SMG6: variants seen among roughly 807,000 people sequenced by gnomAD.
SMG6 encodes the protein telomerase-binding protein EST1A.
In SMG6, 66 loss-of-function variants were observed where a neutral mutation model predicts 142.2. The ratio of observed to expected loss-of-function variants is 0.46; its 90% CI spans 0.38 to 0.57. The LOEUF (loss-of-function observed/expected upper bound fraction) is 0.57. SMG6 is among the 20% of genes least tolerant of loss of function. The pLI is 0.00. For synonymous variants in SMG6, 779 were observed against 702.4 expected, an observed-to-expected ratio of 1.11 and a Z score of -1.72; for missense variants, 1,793 against 1,832.0, an observed-to-expected ratio of 0.98 and a Z score of 0.39.
intron 10 of SMG6, chr17:2,235,873 A>T (rs944726605): frequency 2.0e-5 from 3 of 152,054 alleles, no homozygotes; most frequent in African/African-American, 7.3e-5. Flanking sequence ...CTACTTCCAC[A>T]CCCACCCGAC....
intron 12 of SMG6, among the ~76,000 whole-genome samples, chr17:2,178,409 T>C (rs1244553996): frequency 6.6e-6 from 1 of 152,168 alleles, no homozygotes; most frequent in Non-Finnish European, 1.5e-5. Context: ...TAGATGAAGG[T>C]AATCCCTTCT....
At chr17:2,180,008 T>C (rs1411445096) in intron 12 of SMG6, among the ~76,000 whole-genome samples, 1 of 152,128 alleles carries the variant, frequency 6.6e-6, no homozygotes, top group African/African-American at 2.4e-5. Flanking sequence ...TCAGGATAAG[T>C]GAAGATTTGG....
chr17:2,276,289 T>C (rs779269483), intron 8 of SMG6, among the ~76,000 whole-genome samples: 1 of 152,094 alleles, frequency 6.6e-6, no homozygotes, highest in Non-Finnish European at 1.5e-5. Context: ...ACACAAAGCA[T>C]ACACACGCAC....
intron 12 of SMG6, 133 bp downstream of exon 12, chr17:2,186,530 G>C (rs2071991357): frequency 9.6e-7 from 1 of 1,046,496 alleles, no homozygotes; most frequent in Non-Finnish European, 1.4e-6. Flanking sequence ...TTCAAAAAAA[G>C]TTCAAATAAA....
In SMG6 at chr17:2,239,798, G is replaced by C. The variant is rs77028977; in HGVS notation, c.2724-3161C>G. 6.2e-4 allele frequency among the ~76,000 whole-genome samples: 94 copies of C among 152,094 alleles called. 1 individual carries two copies. The East Asian group carries it at 0.017, about 27-fold the overall frequency. ...ATCTGTTAATTTAAAAAGCAAATCA[G>C]ACACAAACATTATATTTTTAAAAAT... On this transcript the variant is annotated intron_variant, in intron 9 of 18. Coordinates refer to ENST00000263073, the MANE Select transcript of SMG6 (RefSeq NM_017575.5).
In SMG6 at chr17:2,200,953, C is replaced by G. The variant is rs1217778639; in HGVS notation, c.2870-12438G>C. On this transcript the variant is annotated intron_variant, in intron 10 of 18. Coordinates refer to ENST00000263073, the MANE Select transcript of SMG6 (RefSeq NM_017575.5). ...CCATTATTTATTTTTTAATTGGCAG[C>G]ATCAACTGCAATACTCTGATAAATA... 2.0e-5 allele frequency among the ~76,000 whole-genome samples: 3 copies of G among 152,218 alleles called. No homozygotes were observed. In the East Asian group the frequency reaches 5.8e-4, roughly 29 times the overall value.
intron 13 of SMG6, among the ~76,000 whole-genome samples, chr17:2,156,393 C>CAAAAAAAAAAAA (rs34203812): frequency 5.4e-5 from 3 of 55,412 alleles, no homozygotes; most frequent in Non-Finnish European, 9.0e-5. Context: ...CACTCCTTCT[C>CAAAAAAAAAAAA]AAAAAAAAAA....
Position 2,298,059 on chromosome 17 carries a change from G to A in SMG6, c.1848-4C>T. 6.3e-7 allele frequency: 1 copy of A among 1,586,170 alleles called. No homozygotes were observed. Among genetic ancestry groups the A allele is most frequent in the South Asian group, 1.2e-5 (1 of 86,520 alleles). The stretch of plus-strand genomic sequence containing the variant: ...ATATAGCTGCAGCAGTTCAGCTCTG[G>A]AATAAAATACATGCAACTTCCAGCT... On this transcript the variant is annotated splice_polypyrimidine_tract_variant and splice_region_variant and intron_variant, in intron 2 of 18. Coordinates refer to ENST00000263073, the MANE Select transcript of SMG6 (RefSeq NM_017575.5).
chr17:2,294,144 G>C (rs963479517), intron 4 of SMG6, among the ~76,000 whole-genome samples: 1 of 152,160 alleles, frequency 6.6e-6, no homozygotes, highest in Admixed American at 6.5e-5. Flanking sequence ...AAGCGAAATA[G>C]CTACTGCACA....
intron 15 of SMG6, among the ~76,000 whole-genome samples, chr17:2,080,727 C>G (rs1048928067): frequency 1.3e-5 from 2 of 151,992 alleles, no homozygotes; most frequent in Non-Finnish European, 2.9e-5. Context: ...CCTCCGCCTC[C>G]CGGGTTCAAG....
At chr17:2,220,355 G>C (rs2073137893) in intron 10 of SMG6, among the ~76,000 whole-genome samples, 1 of 152,224 alleles carries the variant, frequency 6.6e-6, no homozygotes, top group Admixed American at 6.5e-5. Context: ...GTGAAGCCAA[G>C]CTCAGCGGCT....
At chr17:2,144,181 C>A (rs1290765483) in intron 13 of SMG6, among the ~76,000 whole-genome samples, 3 of 150,956 alleles carry the variant, frequency 2.0e-5, no homozygotes, top group Non-Finnish European at 4.4e-5. Flanking sequence ...GCCTCAGGCT[C>A]CAGAGTAGCT....
chr17:2,185,675 T>G (rs11658797), intron 12 of SMG6, among the ~76,000 whole-genome samples: 111,171 of 150,490 alleles, frequency 0.74, 41,376 homozygotes, highest in African/African-American at 0.8. Flanking sequence ...GAGGGCAGGC[T>G]CATGGTGAGA....
chr17:2,078,641 G>A (rs9914101), intron 15 of SMG6, among the ~76,000 whole-genome samples: 95,542 of 151,950 alleles, frequency 0.63, 30,362 homozygotes, highest in Middle Eastern at 0.7. Context: ...CAAAGTGCTG[G>A]GATTACAGGC....
chr17:2,102,028 G>A (rs527352167), intron 13 of SMG6, among the ~76,000 whole-genome samples: 1 of 152,300 alleles, frequency 6.6e-6, no homozygotes, highest in East Asian at 1.9e-4. Context: ...TGGGCATGGT[G>A]CACTCCTCCT....
chr17:2,240,158 CTGTG>C (rs1484970246), intron 9 of SMG6: 4 of 152,182 alleles, frequency 2.6e-5, no homozygotes, highest in Non-Finnish European at 5.9e-5. Flanking sequence ...CGTTTTCGGG[CTGTG>C]TGTGTCACTG....
At chr17:2,216,043 T>A (rs989424347) in intron 10 of SMG6, 1 of 152,288 alleles carries the variant, frequency 6.6e-6, no homozygotes, top group African/African-American at 2.4e-5. Context: ...CCCTCAGCCC[T>A]GAGTGCAGAT....
At chr17:2,234,944 A>G (rs910401792) in intron 10 of SMG6, among the ~76,000 whole-genome samples, 3 of 152,152 alleles carry the variant, frequency 2.0e-5, no homozygotes, top group Non-Finnish European at 4.4e-5. Flanking sequence ...GTGCTGGAAC[A>G]ATGTCTTGGC....
intron 13 of SMG6, among the ~76,000 whole-genome samples, chr17:2,109,206 T>C (rs2069239888): frequency 6.6e-6 from 1 of 152,200 alleles, no homozygotes; most frequent in Non-Finnish European, 1.5e-5. Flanking sequence ...ACCAAGTCTA[T>C]GTAGTATATT....
Sources: gnomAD v4.1 joint callset for allele counts (sites outside exome capture counted in the v4.1 genomes callset) on GRCh38, gnomAD v4.1.1 for gene constraint, MANE v1.5 for transcripts, NCBI Gene and HGNC (gene_info 2026-07-23, HGNC 2026-07-21) for gene names.